LAP3: variants seen among roughly 807,000 people sequenced by gnomAD.
LAP3 encodes leucine aminopeptidase 3.
LAP3 carries 46 observed loss-of-function variants against 58.8 expected under a neutral mutation model. The ratio of observed to expected loss-of-function variants is 0.78; its 90% CI spans 0.62 to 1.00. LAP3 has a LOEUF of 1.00. LAP3 is among the 50% of genes least tolerant of loss of function. LAP3 has a pLI of 0.00. For missense variants in LAP3, 615 were observed against 659.1 expected (o/e 0.93, Z 0.73); for synonymous variants, 257 against 237.7 (o/e 1.08, Z -0.75).
intron 10 of LAP3, among the ~76,000 whole-genome samples, chr4:17,601,277 A>G (rs1318098713): frequency 6.6e-6 from 1 of 152,202 alleles, no homozygotes; most frequent in East Asian, 1.9e-4. Context: ...TAGTTCTGAA[A>G]TGGGCTGTGG....
intron 7 of LAP3, among the ~76,000 whole-genome samples, chr4:17,591,829 G>A (rs1354458703): frequency 6.6e-6 from 1 of 152,190 alleles, no homozygotes; most frequent in Non-Finnish European, 1.5e-5. Flanking sequence ...CTGCGGGCCT[G>A]CTTAGATTTT....
rs1419380095 is a variant in LAP3 at position 17,606,882 on chromosome 4, T to C, written c.1314T>C (p.Tyr438=). 2 of 1,613,716 alleles carry C rather than the reference T, an allele frequency of 1.2e-6. No individual in the cohort carries two copies. The highest frequency in any genetic ancestry group is 1.7e-6 in the Non-Finnish European group (2 of 1,179,958). ...RVWRMPLFEH[Y]TRQVVDCQLA... is the part of the protein sequence containing the mutation. ...GGAGGATGCCTCTCTTCGAACATTATACAAGACAGGTTGTAGATTGCCAGC... is the reference window on the plus strand; with the variant it reads ...GGAGGATGCCTCTCTTCGAACATTACACAAGACAGGTTGTAGATTGCCAGC... Residue 438 remains tyrosine (Y), a synonymous_variant, in exon 12 of 13, where the codon TAT becomes TAC. Coordinates refer to ENST00000226299, the MANE Select transcript of LAP3 (RefSeq NM_015907.3).
intron 9 of LAP3, 92 bp downstream of exon 9, chr4:17,597,226 C>T: frequency 9.7e-7 from 1 of 1,029,928 alleles, no homozygotes. Flanking sequence ...CGTGCAGAGC[C>T]CCAGAACCAT....
intron 7 of LAP3, among the ~76,000 whole-genome samples, chr4:17,592,169 C>T (rs994384544): frequency 2.6e-5 from 4 of 152,130 alleles, no homozygotes; most frequent in African/African-American, 9.7e-5. Context: ...ACCTATGCAC[C>T]GTTCACCACT....
chr4:17,591,238 G>A (rs1325459135), intron 7 of LAP3, among the ~76,000 whole-genome samples: 1 of 151,838 alleles, frequency 6.6e-6, no homozygotes, highest in African/African-American at 2.4e-5. Context: ...TACCACTCCT[G>A]GCTAATTTTT....
intron 1 of LAP3, among the ~76,000 whole-genome samples, chr4:17,578,371 C>G (rs114838597): frequency 6.6e-6 from 1 of 152,142 alleles, no homozygotes; most frequent in African/African-American, 2.4e-5. Flanking sequence ...TCCATTGATT[C>G]CCGGGGAGTG....
chr4:17,580,939 C>T (rs947043783), intron 2 of LAP3, among the ~76,000 whole-genome samples: 14 of 152,296 alleles, frequency 9.2e-5, no homozygotes, highest in African/African-American at 3.4e-4. Context: ...AACTAATAAT[C>T]GGTTAAGAGA....
intron 1 of LAP3, among the ~76,000 whole-genome samples, 199 bp downstream of exon 1, chr4:17,577,766 C>T (rs1347295738): frequency 6.6e-6 from 1 of 152,222 alleles, no homozygotes; most frequent in East Asian, 1.9e-4. Context: ...GGCGCGATTC[C>T]CCTGCTCGGG....
At position 17,587,903 on chromosome 4, in the gene LAP3, CAGT is replaced by C. The variant is rs1334599971; in HGVS notation, c.705-915_705-913del. On this transcript the variant is annotated intron_variant, in intron 6 of 12. Transcript: ENST00000226299. The stretch of plus-strand genomic sequence containing the variant: ...GCAAATAAATAGGATATTTTTTTTC[CAGT>C]CATTGGGATATAGCTTTGGTTTGCT... Among the ~76,000 whole-genome samples the C allele has an allele frequency of 8.0e-5, 12 of 150,870 alleles. No homozygotes were observed. The East Asian group carries it at 1.9e-3, about 24-fold the overall frequency.
rs534089425 is a variant in LAP3, at chr4:17,578,161, TG to T, written c.102+596del. Among the ~76,000 whole-genome samples the T allele has an allele frequency of 5.1e-4, 77 of 152,318 alleles. 1 individual carries two copies. The East Asian group carries it at 0.014, about 27-fold the overall frequency. On this transcript the variant is annotated intron_variant, in intron 1 of 12. Transcript: ENST00000226299. ...AGATGTGAAGGATCTGCAAAGGGAA[TG>T]GCTCTCGGAACCAGCACAAGCTTGG... is the stretch of plus-strand genomic sequence containing the variant.
chr4:17,603,041 C>T (rs1272338027), intron 10 of LAP3, among the ~76,000 whole-genome samples: 1 of 151,408 alleles, frequency 6.6e-6, no homozygotes, highest in Non-Finnish European at 1.5e-5. Context: ...GGCGCGATGG[C>T]TCACACCTGT....
intron 3 of LAP3, 106 bp downstream of exon 3, chr4:17,581,920 AT>A: frequency 1.1e-6 from 1 of 936,790 alleles, no homozygotes. Flanking sequence ...GGATTGTATG[AT>A]TTTATTCCAC....
At position 17,577,246 on chromosome 4, in the gene LAP3, G is replaced by GCACACGAATGCGGGCA; in HGVS notation, c.-217_-216insACGAATGCGGGCACAC. ...AATGCGGGCGCACACGAATGCGGGC[G>GCACACGAATGCGGGCA]CACCCTTGAGTCCCCTCCACAACCG... On this transcript the variant is annotated 5_prime_UTR_variant, in exon 1 of 13. It adds an upstream start codon to the 5' untranslated region. Transcript: ENST00000226299. The GCACACGAATGCGGGCA allele has an allele frequency of 2.7e-6, 1 of 376,506 alleles. No homozygotes were observed. 23.3% of individuals were successfully genotyped at this position (376,506 alleles called of 1,614,324 possible).
chr4:17,583,467 C>T lies in LAP3; in HGVS notation c.380-16C>T, dbSNP rs1477125899. The T allele has an allele frequency of 1.9e-6, 3 of 1,612,862 alleles. No individual in the cohort carries two copies. The highest frequency in any genetic ancestry group is 1.7e-6 in the Non-Finnish European group (2 of 1,179,914). On this transcript the variant is annotated splice_polypyrimidine_tract_variant and intron_variant, in intron 4 of 12. Transcript: ENST00000226299. ...TTGGACTGACTCCAGTTTTCTGATT[C>T]CTCTGTCTTTTCAAGCGGGGTGCAG...
At position 17,598,485 on chromosome 4, in the gene LAP3, C is replaced by G. The variant is rs776595519; in HGVS notation, c.1107C>G (p.Leu369=). The G allele has an allele frequency of 1.9e-6, 3 of 1,614,152 alleles. No homozygotes were observed. The highest frequency in any genetic ancestry group is 2.5e-6 in the Non-Finnish European group (3 of 1,179,974). ...QVDNTDAEGR[L]ILADALCYAH... is the part of the protein sequence containing the mutation. ...ATAACACTGATGCTGAGGGGAGGCT[C>G]ATACTGGCTGATGCGCTCTGTTACG... Residue 369 remains leucine (L), a synonymous_variant, in exon 10 of 13, where the codon CTC becomes CTG. Coordinates refer to ENST00000226299, the MANE Select transcript of LAP3 (RefSeq NM_015907.3).
intron 10 of LAP3, among the ~76,000 whole-genome samples, chr4:17,599,526 C>T (rs570122488): frequency 1.2e-4 from 18 of 151,920 alleles, no homozygotes; most frequent in Non-Finnish European, 2.2e-4. Context: ...CAGAGCGAGA[C>T]TCCCTCTTAA....
rs200134827 is a variant in LAP3 at position 17,585,113 on chromosome 4, T to C, written c.681T>C (p.Ser227=). The change falls in exon 6 of 13, where the codon AGT becomes AGC. Residue 227 remains serine (S), a synonymous_variant. Coordinates refer to ENST00000226299, the MANE Select transcript of LAP3 (RefSeq NM_015907.3). The stretch of plus-strand genomic sequence containing the variant: ...TTGAGAAGAATCTCAAAAGTGCTAG[T>C]AGTAAAACCGAGGTCCATATCAGGT... The part of the protein sequence containing the change: ...EIIEKNLKSA[S]SKTEVHIRPK... 2 of 1,613,730 alleles carry C rather than the reference T, an allele frequency of 1.2e-6. No homozygotes were observed. The highest frequency in any genetic ancestry group is 1.7e-6 in the Non-Finnish European group (2 of 1,179,708).
intron 7 of LAP3, among the ~76,000 whole-genome samples, chr4:17,590,923 CTTTTTT>C (rs533480552): frequency 1.2e-5 from 1 of 81,184 alleles, no homozygotes. Flanking sequence ...GAAAGTTAAA[CTTTTTT>C]TTTTTTTTTT....
chr4:17,584,942 T>C (rs1713462477), intron 5 of LAP3, 30 bp from the exon 6 acceptor site: 3 of 1,608,518 alleles, frequency 1.9e-6, no homozygotes, highest in Non-Finnish European at 2.5e-6. Flanking sequence ...GAGAGGTTGT[T>C]TGACAGTCAC....
Sources: allele counts gnomAD v4.1 joint callset (sites outside exome capture counted in the v4.1 genomes callset), GRCh38; gene constraint gnomAD v4.1.1; transcripts MANE v1.5; gene names NCBI Gene and HGNC (gene_info 2026-07-23, HGNC 2026-07-21).